PPP4R4: variants seen among roughly 807,000 people sequenced by gnomAD.
The protein encoded by PPP4R4 is serine/threonine-protein phosphatase 4 regulatory subunit 4.
A neutral mutation model predicts 121.8 loss-of-function variants in PPP4R4; 70 were observed. The ratio of observed to expected loss-of-function variants is 0.57; its 90% CI spans 0.47 to 0.70. The LOEUF (loss-of-function observed/expected upper bound fraction) is 0.70. PPP4R4 is among the 30% of genes least tolerant of loss of function. PPP4R4 has a pLI of 0.00. For synonymous variants in PPP4R4, 348 were observed against 355.7 expected (o/e 0.98, Z 0.24); for missense variants, 875 against 1,033.6 (o/e 0.85, Z 2.10).
At chr14:94,242,104 G>A in intron 10 of PPP4R4, 147 bp downstream of exon 10, 2 of 1,153,392 alleles carry the variant, frequency 1.7e-6, no homozygotes, top group Non-Finnish European at 2.5e-6. Flanking sequence ...AAATATTTGT[G>A]AAATTTATAT....
At chr14:94,233,963 G>C (rs1892193533) in intron 6 of PPP4R4, among the ~76,000 whole-genome samples, 1 of 152,074 alleles carries the variant, frequency 6.6e-6, no homozygotes, top group Non-Finnish European at 1.5e-5. Context: ...AATTGGTAAG[G>C]TTAACTTTTT....
chr14:94,256,724 T>C, intron 17 of PPP4R4, 120 bp downstream of exon 17: 1 of 1,089,954 alleles, frequency 9.2e-7, no homozygotes, highest in Non-Finnish European at 1.3e-6. Context: ...CTTGCTAAAA[T>C]TGTAAGAATT....
intron 3 of PPP4R4, among the ~76,000 whole-genome samples, chr14:94,216,471 A>G (rs1891024631): frequency 6.6e-6 from 1 of 152,246 alleles, no homozygotes; most frequent in South Asian, 2.1e-4. Context: ...TTATGTGTTT[A>G]GGATAACTTG....
intron 3 of PPP4R4, among the ~76,000 whole-genome samples, chr14:94,224,951 A>G (rs1891615220): frequency 6.6e-6 from 1 of 152,176 alleles, no homozygotes; most frequent in Non-Finnish European, 1.5e-5. Context: ...TTGGCAAAAT[A>G]TTTAATTTTA....
chr14:94,233,188 A>G (rs1892144030), intron 5 of PPP4R4, among the ~76,000 whole-genome samples: 1 of 152,232 alleles, frequency 6.6e-6, no homozygotes, highest in Admixed American at 6.5e-5. Context: ...CAGTATATAC[A>G]TAATGCAATA....
intron 2 of PPP4R4, among the ~76,000 whole-genome samples, chr14:94,202,323 A>G (rs1223932386): frequency 6.6e-6 from 1 of 152,206 alleles, no homozygotes; most frequent in Non-Finnish European, 1.5e-5. Context: ...TTAGATACGA[A>G]TCTAAGAAAA....
At chr14:94,273,832 A>C (rs1418418580) in intron 23 of PPP4R4, among the ~76,000 whole-genome samples, 6 of 152,136 alleles carry the variant, frequency 3.9e-5, no homozygotes, top group Non-Finnish European at 8.8e-5. Context: ...AAACAAAAAC[A>C]AAAACAAACC....
At chr14:94,200,650 C>A (rs756548506) in intron 2 of PPP4R4, among the ~76,000 whole-genome samples, 1 of 152,168 alleles carries the variant, frequency 6.6e-6, no homozygotes, top group South Asian at 2.1e-4. Flanking sequence ...CTTGAATGAT[C>A]TTTTGTATTT....
intron 14 of PPP4R4, among the ~76,000 whole-genome samples, chr14:94,248,463 T>C (rs1893008969): frequency 6.6e-6 from 1 of 152,206 alleles, no homozygotes; most frequent in African/African-American, 2.4e-5. Context: ...GAATTAATAT[T>C]GTTAAAATGA....
chr14:94,231,251 A>G lies in PPP4R4; in HGVS notation c.452A>G (p.Asn151Ser), dbSNP rs756953874. 2 of 1,611,804 alleles carry G rather than the reference A, an allele frequency of 1.2e-6. No individual in the cohort carries two copies. The highest frequency in any genetic ancestry group is 2.2e-5 in the South Asian group (2 of 90,910). ...TATCTCTGTCAACCAGGTGTCAGCAATGCATGGCTGGAAACTCTTCTGTCT... is the reference window on the plus strand; with the variant it reads ...TATCTCTGTCAACCAGGTGTCAGCAGTGCATGGCTGGAAACTCTTCTGTCT... ...HLEHRDTGVS[N>S]AWLETLLSVI... is the part of the protein sequence containing the mutation. The change falls in exon 5 of 25, where the codon AAT becomes AGT. Residue 151 changes from asparagine to serine, a missense_variant. Physicochemically the swap from Asn to Ser is conservative, Grantham distance 46. Coordinates refer to ENST00000304338, the MANE Select transcript of PPP4R4 (RefSeq NM_058237.2).
chr14:94,228,252 T>C (rs1307478723), intron 3 of PPP4R4, among the ~76,000 whole-genome samples: 1 of 152,218 alleles, frequency 6.6e-6, no homozygotes, highest in Non-Finnish European at 1.5e-5. Context: ...CTTTAAGTCA[T>C]GCCTTAATAA....
At chr14:94,247,954 T>C (rs943370018) in intron 14 of PPP4R4, among the ~76,000 whole-genome samples, 9 of 152,048 alleles carry the variant, frequency 5.9e-5, no homozygotes, top group African/African-American at 2.2e-4. Context: ...ACTGCCAACA[T>C]CAAACTGATT....
chr14:94,241,072 GA>G (rs1006513624), intron 9 of PPP4R4, among the ~76,000 whole-genome samples: 3 of 152,064 alleles, frequency 2.0e-5, no homozygotes, highest in Admixed American at 6.5e-5. Context: ...TTTGGTATGT[GA>G]TAATAGAAGC....
At chr14:94,205,755 C>G (rs1254553820) in intron 2 of PPP4R4, among the ~76,000 whole-genome samples, 2 of 151,742 alleles carry the variant, frequency 1.3e-5, no homozygotes, top group Non-Finnish European at 2.9e-5. Flanking sequence ...TGGGAAAATA[C>G]AGAAGTTTGT....
rs890365980 is a variant in PPP4R4 at position 94,245,573 on chromosome 14, ATC to A, written c.1345-10_1345-9del. ...AGTAATCACTATAACAGTAATCAAT[ATC>A]TCTGTTAAAAGGTACTAGATGCTCT... On this transcript the variant is annotated splice_polypyrimidine_tract_variant and intron_variant, in intron 12 of 24. Transcript: ENST00000304338. 1.4e-6 allele frequency: 2 copies of A among 1,441,372 alleles called. No individual in the cohort carries two copies. The highest frequency in any genetic ancestry group is 2.9e-5 in the African/African-American group (2 of 70,160). The allele number at this position is 1,441,372 out of a possible 1,614,324, so 89.3% of individuals were successfully genotyped here. A position where few individuals can be genotyped will look rare whatever the true frequency, so the allele number is the denominator to read the frequency against.
At chr14:94,234,530 C>G (rs982220604) in intron 6 of PPP4R4, 32 bp from the exon 7 acceptor site, 1 of 1,288,000 alleles carries the variant, frequency 7.8e-7, no homozygotes, top group Non-Finnish European at 1.1e-6. Context: ...AACACTCATT[C>G]ATTTGCATGT....
At position 94,174,567 on chromosome 14, in the gene PPP4R4, C is replaced by T. The variant is rs777010883; in HGVS notation, c.102C>T (p.Val34=). The stretch of plus-strand genomic sequence containing the variant: ...AGCTCACCATCATCGAGAGGCCGGT[C>T]CGCCGGAGCCTCAAGGTGCGCCCCG... The part of the protein sequence containing the change: ...LQELTIIERP[V]RRSLKTPEEI... Residue 34 remains valine, a synonymous_variant, in exon 1 of 25, where the codon GTC becomes GTT. Transcript: ENST00000304338. The T allele has an allele frequency of 5.0e-6, 8 of 1,611,812 alleles. No individual in the cohort carries two copies. Among genetic ancestry groups the T allele is most frequent in the Non-Finnish European group, 6.8e-6 (8 of 1,179,092 alleles).
chr14:94,242,228 T>C (rs1254433769), intron 10 of PPP4R4, 61 bp from the exon 11 acceptor site: 1 of 1,524,894 alleles, frequency 6.6e-7, no homozygotes, highest in East Asian at 2.3e-5. Context: ...ATTATAATAT[T>C]AGGTATTGAT....
At chr14:94,228,032 C>G (rs146831031) in intron 3 of PPP4R4, among the ~76,000 whole-genome samples, 1 of 152,242 alleles carries the variant, frequency 6.6e-6, no homozygotes, top group Non-Finnish European at 1.5e-5. Flanking sequence ...TTCTCTCAGC[C>G]AAGAACTCTC....
Sources: gnomAD v4.1 joint callset for allele counts (sites outside exome capture counted in the v4.1 genomes callset) on GRCh38, gnomAD v4.1.1 for gene constraint, MANE v1.5 for transcripts, NCBI Gene and HGNC (gene_info 2026-07-23, HGNC 2026-07-21) for gene names.